The following EXOC6B variants were observed in gnomAD, a reference collection of about 807,000 sequenced individuals.
The protein encoded by EXOC6B is exocyst complex component 6B.
Under a neutral mutation model 113.5 loss-of-function variants are expected in EXOC6B, and 54 were observed. The ratio of observed to expected loss-of-function variants is 0.48; its 90% CI spans 0.38 to 0.60. EXOC6B has a LOEUF of 0.60. Ranked by LOEUF, EXOC6B falls within the 20% of genes least tolerant of loss-of-function variation. EXOC6B has a pLI of 0.00. For synonymous variants in EXOC6B, 357 were observed against 339.0 expected (o/e 1.05, Z -0.58); for missense variants, 797 against 977.5 (o/e 0.82, Z 2.46).
intron 18 of EXOC6B, among the ~76,000 whole-genome samples, chr2:72,382,764 T>A (rs911745698): frequency 6.6e-6 from 1 of 152,120 alleles, no homozygotes; most frequent in African/African-American, 2.4e-5. Context: ...TAGCTGTATT[T>A]CTAGGTATTT....
intron 6 of EXOC6B, among the ~76,000 whole-genome samples, chr2:72,664,425 G>A (rs1675245383): frequency 6.6e-6 from 1 of 152,086 alleles, no homozygotes; most frequent in South Asian, 2.1e-4. Flanking sequence ...ATTGAGGGTG[G>A]GATGGCCCAC....
intron 8 of EXOC6B, among the ~76,000 whole-genome samples, chr2:72,540,254 A>G (rs1354022792): frequency 6.6e-6 from 1 of 151,970 alleles, no homozygotes; most frequent in East Asian, 1.9e-4. Flanking sequence ...CGCAATAAAC[A>G]TACGTGTGCA....
intron 7 of EXOC6B, among the ~76,000 whole-genome samples, chr2:72,566,011 TG>T (rs767152597): frequency 1.3e-5 from 2 of 151,678 alleles, no homozygotes; most frequent in South Asian, 4.1e-4. Flanking sequence ...GGTTTTGTTT[TG>T]TTTTTTTTTT....
Position 72,179,251 on chromosome 2 carries a change from C to A in EXOC6B, c.*84G>T. On this transcript the variant is annotated 3_prime_UTR_variant, in exon 22 of 22. Coordinates refer to ENST00000272427, the MANE Select transcript of EXOC6B (RefSeq NM_015189.3). ...CATATGCTCTCTTTGAAGAAGAATG[C>A]ACAAATGCAGGGTCAGCTGGGGCTG... is the stretch of plus-strand genomic sequence containing the variant. The A allele has an allele frequency of 1.4e-6, 2 of 1,423,194 alleles. No homozygotes were observed. Among genetic ancestry groups the A allele is most frequent in the African/African-American group, 1.4e-5 (1 of 69,506 alleles). The allele number at this position is 1,423,194 out of a possible 1,614,324, so 88.2% of individuals were successfully genotyped here. A position where few individuals can be genotyped will look rare whatever the true frequency, so the allele number is the denominator to read the frequency against.
intron 5 of EXOC6B, among the ~76,000 whole-genome samples, chr2:72,728,490 A>G (rs1680446666): frequency 6.6e-6 from 1 of 152,212 alleles, no homozygotes; most frequent in Non-Finnish European, 1.5e-5. Flanking sequence ...ATCAGTAAGG[A>G]TAGTTATAGT....
At chr2:72,431,495 A>ATCTATCTATCTATCTATCTATCTC (rs1558660063) in intron 18 of EXOC6B, among the ~76,000 whole-genome samples, 7 of 146,706 alleles carry the variant, frequency 4.8e-5, no homozygotes, top group African/African-American at 1.7e-4. Context: ...TTATCTATCT[A>ATCTATCTATCTATCTATCTATCTC]TCTATCTATC....
chr2:72,778,735 A>G (rs1022750127), intron 1 of EXOC6B, among the ~76,000 whole-genome samples: 11 of 152,162 alleles, frequency 7.2e-5, no homozygotes, highest in Non-Finnish European at 1.3e-4. Context: ...CATTCTTTCT[A>G]AAGACTTCAC....
chr2:72,748,541 T>C (rs1681842147), intron 1 of EXOC6B, among the ~76,000 whole-genome samples: 1 of 152,040 alleles, frequency 6.6e-6, no homozygotes, highest in African/African-American at 2.4e-5. Flanking sequence ...GAGAAGCATA[T>C]GCTAGTTAAC....
chr2:72,266,658 C>T (rs1183309130), intron 20 of EXOC6B, among the ~76,000 whole-genome samples: 1 of 151,976 alleles, frequency 6.6e-6, no homozygotes, highest in Admixed American at 6.6e-5. Flanking sequence ...GTTACTGTAG[C>T]CTTGTAGTAT....
rs551787649 is a variant in EXOC6B, at chr2:72,809,428, C to T, written c.113+16370G>A. ...ATTGATCAAAGCAAAGCAGGAATGCCTATATTATCATCAAATAAAGTAGAC... is the reference window on the plus strand; with the variant it reads ...ATTGATCAAAGCAAAGCAGGAATGCTTATATTATCATCAAATAAAGTAGAC... On this transcript the variant is annotated intron_variant, in intron 1 of 21. Coordinates refer to ENST00000272427, the MANE Select transcript of EXOC6B (RefSeq NM_015189.3). 5.3e-5 allele frequency among the ~76,000 whole-genome samples: 8 copies of T among 151,716 alleles called. No individual in the cohort carries two copies. The South Asian group carries it at 1.0e-3, about 20-fold the overall frequency.
intron 20 of EXOC6B, among the ~76,000 whole-genome samples, chr2:72,252,401 T>A (rs2104550848): frequency 6.6e-6 from 1 of 152,226 alleles, no homozygotes; most frequent in African/African-American, 2.4e-5. Flanking sequence ...CTGAGAACAA[T>A]GTTGCAAGGC....
chr2:72,721,287 C>G (rs1679983545), intron 5 of EXOC6B, among the ~76,000 whole-genome samples: 1 of 148,298 alleles, frequency 6.7e-6, no homozygotes, highest in Admixed American at 6.8e-5. Flanking sequence ...TGAGATCACA[C>G]CACTGCACTC....
At chr2:72,371,255 T>C (rs1690995848) in intron 19 of EXOC6B, among the ~76,000 whole-genome samples, 1 of 152,102 alleles carries the variant, frequency 6.6e-6, no homozygotes, top group African/African-American at 2.4e-5. Flanking sequence ...CTGCGAGTTC[T>C]ATCAAACATC....
intron 17 of EXOC6B, among the ~76,000 whole-genome samples, chr2:72,470,424 A>AT (rs1698325963): frequency 6.6e-6 from 1 of 151,896 alleles, no homozygotes; most frequent in African/African-American, 2.4e-5. Flanking sequence ...TTGTATGTTG[A>AT]TTTTATATCC....
At chr2:72,631,892 T>C (rs1377060193) in intron 6 of EXOC6B, among the ~76,000 whole-genome samples, 2 of 152,038 alleles carry the variant, frequency 1.3e-5, no homozygotes, top group Admixed American at 6.6e-5. Context: ...TACATATTCA[T>C]AACAGAATAC....
intron 16 of EXOC6B, among the ~76,000 whole-genome samples, chr2:72,484,596 C>T (rs573671194): frequency 1.3e-5 from 2 of 151,868 alleles, no homozygotes; most frequent in South Asian, 4.2e-4. Context: ...AAATTCCCTC[C>T]CCTCATCCCC....
chr2:72,718,887 A>C (rs913177305), intron 5 of EXOC6B, among the ~76,000 whole-genome samples: 1 of 152,174 alleles, frequency 6.6e-6, no homozygotes, highest in Non-Finnish European at 1.5e-5. Context: ...GATTGTCTCA[A>C]TGCCAAAAAA....
intron 1 of EXOC6B, among the ~76,000 whole-genome samples, chr2:72,788,217 A>C (rs1213838349): frequency 6.6e-6 from 1 of 152,198 alleles, no homozygotes; most frequent in Admixed American, 6.5e-5. Flanking sequence ...TAAATGACTT[A>C]ATATGTAAAA....
intron 6 of EXOC6B, among the ~76,000 whole-genome samples, chr2:72,663,207 A>C (rs1240370176): frequency 6.6e-6 from 1 of 152,236 alleles, no homozygotes; most frequent in Non-Finnish European, 1.5e-5. Flanking sequence ...AAAAGGAATA[A>C]ACTATTGACA....
Sources: gnomAD v4.1 joint callset for allele counts (sites outside exome capture counted in the v4.1 genomes callset) on GRCh38, gnomAD v4.1.1 for gene constraint, MANE v1.5 for transcripts, NCBI Gene and HGNC (gene_info 2026-07-23, HGNC 2026-07-21) for gene names.